Variants in GCAT observed in about 807,000 individuals in gnomAD.
GCAT encodes the protein 2-amino-3-ketobutyrate coenzyme A ligase, mitochondrial.
In GCAT, 26 loss-of-function variants were observed where a neutral mutation model predicts 39.7. The ratio of observed to expected loss-of-function variants is 0.65; its 90% CI spans 0.48 to 0.91. GCAT has a LOEUF of 0.91. Ranked by LOEUF, GCAT falls within the 40% of genes least tolerant of loss-of-function variation. The probability of loss-of-function intolerance (pLI) is 0.00; values close to 1 mark genes in which losing one functional copy is unlikely to be tolerated. For synonymous variants in GCAT, 218 were observed against 237.2 expected, an observed-to-expected ratio of 0.92 and a Z score of 0.74; for missense variants, 550 against 576.2, an observed-to-expected ratio of 0.95 and a Z score of 0.47.
At chr22:37,812,862 C>T (rs1386988153) in intron 2 of GCAT, 25 bp from the exon 3 acceptor site, 1 of 1,510,658 alleles carries the variant, frequency 6.6e-7, no homozygotes, top group Admixed American at 1.7e-5. Context: ...CAGGCATCAA[C>T]ACGTGTCTCA....
At chr22:37,816,124 C>T (rs1030706401) in intron 7 of GCAT, 76 bp from the exon 8 acceptor site, 16 of 1,541,910 alleles carry the variant, frequency 1.0e-5, no homozygotes, top group Middle Eastern at 1.9e-4. Flanking sequence ...GCATAGACCT[C>T]GGGCCTGGTC....
intron 2 of GCAT, among the ~76,000 whole-genome samples, chr22:37,812,040 G>C (rs946786395): frequency 1.3e-5 from 2 of 151,980 alleles, no homozygotes; most frequent in African/African-American, 4.8e-5. Context: ...TGGCTCAAGA[G>C]TCCATGCTGG....
chr22:37,813,266 C>A, intron 3 of GCAT, 197 bp from the exon 4 acceptor site: 1 of 717,916 alleles, frequency 1.4e-6, no homozygotes, highest in Non-Finnish European at 2.6e-6. Context: ...ATTCTCACCT[C>A]CTCTTACTAG....
At chr22:37,815,577 G>A in intron 6 of GCAT, 77 bp downstream of exon 6, 1 of 1,491,416 alleles carries the variant, frequency 6.7e-7, no homozygotes, top group Non-Finnish European at 9.3e-7. Context: ...AGTGGGGAGG[G>A]CAGCATGGAC....
At chr22:37,808,262 T>C (rs922289627) in intron 1 of GCAT, 99 bp downstream of exon 1, 4 of 917,690 alleles carry the variant, frequency 4.4e-6, no homozygotes, top group Non-Finnish European at 6.2e-6. Context: ...CACTCTTAGC[T>C]ACTGTTCCCC....
At position 37,815,694 on chromosome 22, in the gene GCAT, G is replaced by A; in HGVS notation, c.846G>A (p.Val282=). ...ACACGACAGGGCCTGGGCCCCTGGT[G>A]TCCCTGCTGCGGCAGCGCGCCCGGC... is the stretch of plus-strand genomic sequence containing the variant. ...GGYTTGPGPL[V]SLLRQRARPY... The change falls in exon 7 of 9, where the codon GTG becomes GTA. Residue 282 remains valine (V), a synonymous_variant. Coordinates refer to ENST00000248924, the MANE Select transcript of GCAT (RefSeq NM_014291.4). 3 of 1,613,260 alleles carry A rather than the reference G, an allele frequency of 1.9e-6. No individual in the cohort carries two copies. The African/African-American group carries it at 4.0e-5, about 22-fold the overall frequency.
intron 2 of GCAT, 58 bp downstream of exon 2, chr22:37,810,215 G>A: frequency 7.7e-7 from 1 of 1,307,118 alleles, no homozygotes; most frequent in Non-Finnish European, 1.1e-6. Context: ...GCTTCCCACA[G>A]TCAGCAAGGC....
At chr22:37,817,025 A>G (rs1922275180), downstream of GCAT, 2 of 287,366 alleles carry the variant, frequency 7.0e-6, no homozygotes, top group African/African-American at 2.1e-5. Flanking sequence ...CTTTCCCTAG[A>G]TTAAGATGGG....
intron 1 of GCAT, among the ~76,000 whole-genome samples, chr22:37,809,198 A>C (rs1225190327): frequency 6.6e-6 from 1 of 152,194 alleles, no homozygotes; most frequent in Non-Finnish European, 1.5e-5. Context: ...AAAGATGGGA[A>C]ATTAGGAGAC....
At position 37,816,617 on chromosome 22, in the gene GCAT, C is replaced by T. The variant is rs17856459; in HGVS notation, c.1159C>T (p.Arg387Trp). 16,435 of 1,614,160 alleles carry T rather than the reference C, an allele frequency of 0.01. 133 individuals carry two copies. Among genetic ancestry groups the T allele is most frequent in the Middle Eastern group, 0.054 (325 of 6,062 alleles). The change falls in exon 9 of 9, where the codon CGG becomes TGG. Residue 387 changes from arginine (R) to tryptophan (W), a missense_variant. Transcript: ENST00000248924. ...CCCCGTGGTCCCCAAGGGCAAGGCC[C>T]GGATCCGGGTACAGATCTCAGCAGT... Reference protein sequence around the residue: ...SYPVVPKGKARIRVQISAVHS... With the variant: ...SYPVVPKGKAWIRVQISAVHS...
intron 2 of GCAT, 151 bp downstream of exon 2, chr22:37,810,308 C>T (rs1921436727): frequency 1.5e-6 from 1 of 670,788 alleles, no homozygotes; most frequent in Non-Finnish European, 2.7e-6. Flanking sequence ...GAGTGCAGGC[C>T]TCTGTTTTGC....
In GCAT at chr22:37,815,168, A is replaced by G; in HGVS notation, c.619A>G (p.Met207Val). ...RLVATDGAFSMDGDIAPLQEI... is the reference protein window; with the variant it reads ...RLVATDGAFSVDGDIAPLQEI... ...GGTGGCCACTGATGGGGCCTTTTCC[A>G]TGGATGGCGACATCGCACCCCTGCA... is the stretch of plus-strand genomic sequence containing the variant. Residue 207 changes from methionine to valine, a missense_variant, in exon 5 of 9, where the codon ATG becomes GTG. Around this residue, in one of 3 missense-constraint regions of GCAT, gnomAD observed 378 missense variants for 390.4 expected, o/e 0.97. Coordinates refer to ENST00000248924, the MANE Select transcript of GCAT (RefSeq NM_014291.4). 6.2e-7 allele frequency: 1 copy of G among 1,614,040 alleles called. No homozygotes were observed. Among genetic ancestry groups the G allele is most frequent in the Non-Finnish European group, 8.5e-7 (1 of 1,180,006 alleles).
At chr22:37,810,210 C>T (rs760346087) in intron 2 of GCAT, 53 bp downstream of exon 2, 2 of 1,329,878 alleles carry the variant, frequency 1.5e-6, no homozygotes, top group Non-Finnish European at 2.2e-6. Flanking sequence ...TGCCTGCTTC[C>T]CACAGTCAGC....
intron 2 of GCAT, 93 bp downstream of exon 2, chr22:37,810,250 A>T: frequency 1.1e-6 from 1 of 916,616 alleles, no homozygotes; most frequent in Non-Finnish European, 1.8e-6. Flanking sequence ...CAGCTCAGCC[A>T]CAGCCCTGGG....
At position 37,815,072 on chromosome 22, in the gene GCAT, G is replaced by A. The variant is rs144896577; in HGVS notation, c.577-54G>A. The A allele has an allele frequency of 1.2e-4, 185 of 1,585,524 alleles. 2 individuals are homozygous for A. Among genetic ancestry groups the A allele is most frequent in the Non-Finnish European group, 6.0e-6 (7 of 1,160,130 alleles). On this transcript the variant is annotated intron_variant, in intron 4 of 8. Coordinates refer to ENST00000248924, the MANE Select transcript of GCAT (RefSeq NM_014291.4). Reference sequence around the variant, plus strand: ...AGAGCTCCAAGCAGCACAAGAGACGGGTGGTTTGGCCCAACTTGACACCAC... The same window carrying A: ...AGAGCTCCAAGCAGCACAAGAGACGAGTGGTTTGGCCCAACTTGACACCAC...
Position 37,815,800 on chromosome 22 carries a change from A to G in GCAT, c.952A>G (p.Thr318Ala). Residue 318 changes from threonine to alanine, a missense_variant, in exon 7 of 9, where the codon ACC becomes GCC. By Grantham distance (58) the Thr-to-Ala change is moderately conservative. This residue lies in a region of GCAT where 378 missense variants were observed against 390.4 expected (regional missense o/e 0.97). Coordinates refer to ENST00000248924, the MANE Select transcript of GCAT (RefSeq NM_014291.4). ...KALDLLMGSN[T>A]IVQSMAAKTQ... ...CCTAGATCTGCTGATGGGGAGTAAC[A>G]CCATTGTCCAGTCTATGGCTGCCAA... The G allele has an allele frequency of 6.2e-7, 1 of 1,613,904 alleles. No homozygotes were observed. Among genetic ancestry groups the G allele is most frequent in the Non-Finnish European group, 8.5e-7 (1 of 1,179,952 alleles).
In GCAT at chr22:37,815,789, T is replaced by TGG. The variant is rs1340321309; in HGVS notation, c.944_945dup (p.Ser316GlyfsTer37). 1 of 1,614,052 alleles carries TGG rather than the reference T, an allele frequency of 6.2e-7. No individual in the cohort carries two copies. The highest frequency in any genetic ancestry group is 8.5e-7 in the Non-Finnish European group (1 of 1,179,954). Reference sequence around the variant, plus strand: ...GCCTCCAAGGCCCTAGATCTGCTGATGGGGAGTAACACCATTGTCCAGTCT... The same window carrying TGG: ...GCCTCCAAGGCCCTAGATCTGCTGATGGGGGGAGTAACACCATTGTCCAGTCT... On this transcript the variant is annotated frameshift_variant, in exon 7 of 9. Coordinates refer to ENST00000248924, the MANE Select transcript of GCAT (RefSeq NM_014291.4). LOFTEE classifies it high-confidence loss of function.
intron 4 of GCAT, 99 bp from the exon 5 acceptor site, chr22:37,815,027 A>C: frequency 8.4e-7 from 1 of 1,184,842 alleles, no homozygotes; most frequent in South Asian, 1.3e-5. Context: ...TGTGCTGGGC[A>C]CTGGGCAGGA....
In GCAT at chr22:37,815,255, A is replaced by G. The variant is rs1368233189; in HGVS notation, c.706A>G (p.Thr236Ala). 6.2e-7 allele frequency: 1 copy of G among 1,613,818 alleles called. No homozygotes were observed. Among genetic ancestry groups the G allele is most frequent in the Admixed American group, 1.7e-5 (1 of 59,986 alleles). Residue 236 changes from threonine (T) to alanine (A), a missense_variant, in exon 5 of 9, where the codon ACT becomes GCT. By Grantham distance (58) the Thr-to-Ala change is moderately conservative. Coordinates refer to ENST00000248924, the MANE Select transcript of GCAT (RefSeq NM_014291.4). ...ALVFMDECHA[T>A]GFLGPTGRGT... ...GGTCTTCATGGATGAATGCCATGCC[A>G]CTGGCTTCCTGGGGCCCACAGGACG...
Sources: allele counts gnomAD v4.1 joint callset (sites outside exome capture counted in the v4.1 genomes callset), GRCh38; gene constraint gnomAD v4.1.1; regional missense constraint gnomAD v4.1.1; transcripts MANE v1.5; gene names NCBI Gene and HGNC (gene_info 2026-07-23, HGNC 2026-07-21).